The following ZDHHC7 variants were observed in gnomAD, a reference collection of about 807,000 sequenced individuals.
The protein encoded by ZDHHC7 is palmitoyltransferase ZDHHC7.
In ZDHHC7, 12 loss-of-function variants were observed where a neutral mutation model predicts 34.1. The ratio of observed to expected loss-of-function variants is 0.35; its 90% CI spans 0.23 to 0.57. The LOEUF (loss-of-function observed/expected upper bound fraction) is 0.57. Ranked by LOEUF, ZDHHC7 falls within the 20% of genes least tolerant of loss-of-function variation. The pLI, the probability that ZDHHC7 is intolerant of heterozygous loss-of-function variation, is 0.84. For missense variants in ZDHHC7, 388 were observed against 402.7 expected, an observed-to-expected ratio of 0.96 and a Z score of 0.31; for synonymous variants, 185 against 155.4, an observed-to-expected ratio of 1.19 and a Z score of -1.42.
intron 1 of ZDHHC7, among the ~76,000 whole-genome samples, chr16:85,008,980 G>C (rs373668986): frequency 2.0e-5 from 3 of 151,422 alleles, no homozygotes; most frequent in East Asian, 1.9e-4. Context: ...AGGAGGTAGA[G>C]GCTGCAGGGA....
At chr16:84,987,285 C>T (rs994401114) in intron 3 of ZDHHC7, among the ~76,000 whole-genome samples, 35 of 152,238 alleles carry the variant, frequency 2.3e-4, no homozygotes, top group Non-Finnish European at 4.4e-5. Context: ...AAATGGCCAA[C>T]AAGCCCATGA....
chr16:85,002,964 T>C (rs1216558284), intron 1 of ZDHHC7, among the ~76,000 whole-genome samples: 2 of 151,992 alleles, frequency 1.3e-5, no homozygotes, highest in African/African-American at 2.4e-5. Context: ...GCCCAGACAA[T>C]GCTGACACCT....
intron 3 of ZDHHC7, among the ~76,000 whole-genome samples, chr16:84,985,502 G>T (rs992471063): frequency 5.3e-5 from 8 of 152,204 alleles, no homozygotes; most frequent in African/African-American, 1.9e-4. Context: ...GATGTAAACT[G>T]CAAACAAAGA....
chr16:84,990,870 C>CA (rs3215103), intron 2 of ZDHHC7, among the ~76,000 whole-genome samples: 1 of 151,910 alleles, frequency 6.6e-6, no homozygotes, highest in African/African-American at 2.4e-5. Flanking sequence ...TATACAAAAC[C>CA]TATCTATGGC....
At chr16:84,988,777 G>A (rs1389257188) in intron 3 of ZDHHC7, 1 of 1,551,580 alleles carries the variant, frequency 6.4e-7, no homozygotes, top group South Asian at 1.2e-5. Flanking sequence ...AGGAGGCTTT[G>A]CACAGACTCG....
intron 1 of ZDHHC7, among the ~76,000 whole-genome samples, chr16:85,007,188 C>G (rs530645775): frequency 1.3e-5 from 2 of 151,952 alleles, no homozygotes; most frequent in South Asian, 4.2e-4. Flanking sequence ...CTTTGGGAGG[C>G]CAAGGCAGGT....
intron 3 of ZDHHC7, 90 bp downstream of exon 3, chr16:84,990,214 C>G: frequency 6.9e-7 from 1 of 1,439,924 alleles, no homozygotes; most frequent in Non-Finnish European, 9.5e-7. Context: ...CAATATGTCC[C>G]TGTGCACTGC....
intron 1 of ZDHHC7, among the ~76,000 whole-genome samples, chr16:85,001,427 C>G (rs1229723195): frequency 7.1e-6 from 1 of 139,904 alleles, no homozygotes; most frequent in Non-Finnish European, 1.5e-5. Context: ...GCCAAGATCG[C>G]ACCACTGCAC....
At chr16:85,025,540 GCT>G in the ZDHHC7 span, among the ~76,000 whole-genome samples, 1 of 152,166 alleles carries the variant, frequency 6.6e-6, no homozygotes, top group Non-Finnish European at 1.5e-5. Context: ...CTCCCGAGTA[GCT>G]GGGACTACAG....
At chr16:84,995,849 T>C (rs988929731) in intron 2 of ZDHHC7, 73 bp downstream of exon 2, 14 of 152,154 alleles carry the variant, frequency 9.2e-5, no homozygotes, top group African/African-American at 3.4e-4. Flanking sequence ...GGTTACCTTT[T>C]TAGTAATATA....
At chr16:84,982,331 C>T (rs968186318) in intron 3 of ZDHHC7, among the ~76,000 whole-genome samples, 1 of 140,124 alleles carries the variant, frequency 7.1e-6, no homozygotes, top group Non-Finnish European at 1.5e-5. Context: ...GGCGACAGGG[C>T]AAGACTCCAT....
upstream of ZDHHC7, among the ~76,000 whole-genome samples, chr16:85,014,458 G>T (rs1324947273): frequency 6.6e-6 from 1 of 152,182 alleles, no homozygotes; most frequent in Non-Finnish European, 1.5e-5. Flanking sequence ...TAGAGTCTTT[G>T]TGGCATCTGG....
chr16:85,004,520 A>G (rs2072693190), intron 1 of ZDHHC7, among the ~76,000 whole-genome samples: 1 of 151,934 alleles, frequency 6.6e-6, no homozygotes, highest in Non-Finnish European at 1.5e-5. Flanking sequence ...TTCAGTGCGA[A>G]TAAAATCCCA....
At chr16:85,019,665 C>T in the ZDHHC7 span, among the ~76,000 whole-genome samples, 2 of 152,104 alleles carry the variant, frequency 1.3e-5, no homozygotes, top group Non-Finnish European at 2.9e-5. Context: ...TTACAGTGAG[C>T]CGAGATTGTG....
intron 1 of ZDHHC7, among the ~76,000 whole-genome samples, chr16:85,008,510 C>G (rs189724050): frequency 2.1e-5 from 3 of 145,432 alleles, no homozygotes; most frequent in African/African-American, 8.1e-5. Context: ...ACACCCCCCC[C>G]CAAAAAAAAG....
At chr16:85,009,741 C>T (rs1324574207) in intron 1 of ZDHHC7, among the ~76,000 whole-genome samples, 1 of 127,356 alleles carries the variant, frequency 7.9e-6, no homozygotes, top group Non-Finnish European at 1.6e-5. Flanking sequence ...CGGAGTCTTG[C>T]TCTGTCGCCC....
intron 4 of ZDHHC7, 101 bp downstream of exon 4, chr16:84,981,769 G>A: frequency 1.9e-6 from 3 of 1,589,868 alleles, no homozygotes; most frequent in South Asian, 1.1e-5. Context: ...AGATGCTCGG[G>A]GGCCATGTAC....
the ZDHHC7 span, among the ~76,000 whole-genome samples, chr16:85,024,969 C>T: frequency 6.6e-6 from 1 of 152,068 alleles, no homozygotes; most frequent in East Asian, 1.9e-4. Flanking sequence ...TCTTGGAGGA[C>T]ACTCTGTAAA....
At chr16:85,024,733 T>C in the ZDHHC7 span, among the ~76,000 whole-genome samples, 2 of 152,172 alleles carry the variant, frequency 1.3e-5, no homozygotes, top group African/African-American at 2.4e-5. Context: ...CTCTGTTCCC[T>C]TGCTCTCCAC....
Sources: allele counts gnomAD v4.1 joint callset (sites outside exome capture counted in the v4.1 genomes callset), GRCh38; gene constraint gnomAD v4.1.1; transcripts MANE v1.5; gene names NCBI Gene and HGNC (gene_info 2026-07-23, HGNC 2026-07-21).